C5orf34: variants seen among roughly 807,000 people sequenced by gnomAD.
The protein encoded by C5orf34 is chromosome 5 open reading frame 34.
A neutral mutation model predicts 78.4 loss-of-function variants in C5orf34; 73 were observed. That is an observed-to-expected ratio of 0.93 (90% CI 0.77 to 1.13). The LOEUF (loss-of-function observed/expected upper bound fraction) is 1.13. C5orf34 is among the 50% of genes most tolerant of loss of function. The probability of loss-of-function intolerance (pLI) is 0.00; values close to 1 mark genes in which losing one functional copy is unlikely to be tolerated. For synonymous variants in C5orf34, 251 were observed against 246.6 expected (o/e 1.02, Z -0.17); for missense variants, 730 against 732.7 (o/e 1.00, Z 0.04).
Position 43,486,884 on chromosome 5 carries a change from C to T in C5orf34, c.*31G>A. The T allele has an allele frequency of 7.4e-7, 1 of 1,352,014 alleles. No individual in the cohort carries two copies. The highest frequency in any genetic ancestry group is 1.7e-5 in the South Asian group (1 of 57,420). 83.8% of individuals were successfully genotyped at this position (1,352,014 alleles called of 1,614,324 possible). A position where few individuals can be genotyped will look rare whatever the true frequency, so the allele number is the denominator to read the frequency against. On this transcript the variant is annotated 3_prime_UTR_variant, in exon 13 of 13. Transcript: ENST00000306862. The stretch of plus-strand genomic sequence containing the variant: ...AGTCACTTGAAACAACATCCTTAAA[C>T]TTTAATAATATGTTGTAATAATTCC...
chr5:43,506,397 G>A lies in C5orf34; in HGVS notation c.286-3C>T. 1 of 1,585,532 alleles carries A rather than the reference G, an allele frequency of 6.3e-7. No individual in the cohort carries two copies. The highest frequency in any genetic ancestry group is 8.6e-7 in the Non-Finnish European group (1 of 1,166,694). ...TCTGTTATGTCAATGAAGATATGCT[G>A]CAAGGAGAGGGGAAAAGAGACGGTG... On this transcript the variant is annotated splice_polypyrimidine_tract_variant and splice_region_variant and intron_variant, in intron 3 of 12. Transcript: ENST00000306862.
At chr5:43,494,394 G>C (rs1046583447) in intron 7 of C5orf34, 116 bp downstream of exon 7, 1 of 539,108 alleles carries the variant, frequency 1.9e-6, no homozygotes, top group African/African-American at 2.0e-5. Context: ...AAATTTTACC[G>C]AAGGCATATA....
chr5:43,494,293 C>T (rs978155062), intron 7 of C5orf34, among the ~76,000 whole-genome samples: 4 of 152,240 alleles, frequency 2.6e-5, no homozygotes, highest in Admixed American at 2.6e-4. Flanking sequence ...ATGGATATTT[C>T]TCCATATTTA....
chr5:43,507,817 G>A (rs1246489645), intron 3 of C5orf34, among the ~76,000 whole-genome samples: 1 of 151,968 alleles, frequency 6.6e-6, no homozygotes, highest in African/African-American at 2.4e-5. Flanking sequence ...GGTGGCTCAC[G>A]CCTGTAATCC....
chr5:43,496,473 T>TGAGG (rs1237932073), intron 6 of C5orf34: 2 of 1,552,074 alleles, frequency 1.3e-6, no homozygotes, highest in African/African-American at 2.7e-5. Flanking sequence ...TTAGGGGTAG[T>TGAGG]TTTCACAACA....
intron 11 of C5orf34, among the ~76,000 whole-genome samples, chr5:43,490,157 A>T (rs570045974): frequency 6.6e-6 from 1 of 152,196 alleles, no homozygotes; most frequent in Non-Finnish European, 1.5e-5. Flanking sequence ...CTGCACACTG[A>T]AAAGCACACA....
chr5:43,502,981 G>T (rs1745826585), intron 5 of C5orf34, among the ~76,000 whole-genome samples: 1 of 152,290 alleles, frequency 6.6e-6, no homozygotes, highest in African/African-American at 2.4e-5. Flanking sequence ...AAGGTACTGG[G>T]TATATACCAA....
At position 43,509,186 on chromosome 5, in the gene C5orf34, T is replaced by C. The variant is rs572808537; in HGVS notation, c.154A>G (p.Arg52Gly). ...VSAHPLEQPERIRQRTHFVIS... is the reference protein window; with the variant it reads ...VSAHPLEQPEGIRQRTHFVIS... ...ACAAAATGTGTCCTTTGACGAATTC[T>C]TTCTGGTTGTTCTAAAGGATGTGCT... is the stretch of plus-strand genomic sequence containing the variant. Residue 52 changes from arginine (R) to glycine (G), a missense_variant, in exon 2 of 13, where the codon AGA becomes GGA. Coordinates refer to ENST00000306862, the MANE Select transcript of C5orf34 (RefSeq NM_198566.4). The C allele has an allele frequency of 2.5e-6, 4 of 1,613,968 alleles. No homozygotes were observed. The highest frequency in any genetic ancestry group is 2.2e-5 in the East Asian group (1 of 44,876).
In C5orf34 at chr5:43,494,592, T is replaced by C; in HGVS notation, c.1162A>G (p.Lys388Glu). The change falls in exon 7 of 13, where the codon AAA (lysine) becomes GAA (glutamate). Residue 388 changes from lysine to glutamate, a missense_variant. Physicochemically the swap from Lys to Glu is moderately conservative, Grantham distance 56. Coordinates refer to ENST00000306862, the MANE Select transcript of C5orf34 (RefSeq NM_198566.4). ...IQEGSGKREE[K>E]TYSVNNLPPD... Reference sequence around the variant, plus strand: ...GGAAGGTTATTTACTGAGTAAGTTTTCTCTTCTCTCTGAAAATTAGTTAAA... The same window carrying C: ...GGAAGGTTATTTACTGAGTAAGTTTCCTCTTCTCTCTGAAAATTAGTTAAA... 6.3e-7 allele frequency: 1 copy of C among 1,589,936 alleles called. No homozygotes were observed. The highest frequency in any genetic ancestry group is 8.6e-7 in the Non-Finnish European group (1 of 1,163,754).
chr5:43,495,127 A>T, intron 6 of C5orf34: 1 of 1,594,130 alleles, frequency 6.3e-7, no homozygotes, highest in Non-Finnish European at 8.6e-7. Flanking sequence ...CACCTCCAGC[A>T]GCCTTCTTGT....
In C5orf34 at chr5:43,486,820, A is replaced by C; in HGVS notation, c.*95T>G. The C allele has an allele frequency of 1.8e-6, 1 of 561,132 alleles. No individual in the cohort carries two copies. The allele number at this position is 561,132 out of a possible 1,614,324, so 34.8% of individuals were successfully genotyped here. A position where few individuals can be genotyped will look rare whatever the true frequency, so the allele number is the denominator to read the frequency against. On this transcript the variant is annotated 3_prime_UTR_variant, in exon 13 of 13. Coordinates refer to ENST00000306862, the MANE Select transcript of C5orf34 (RefSeq NM_198566.4). ...TCTTTCACAATCATTGTGCCGGGGTAATACGTACAATATCTTGGCTTACTA... is the reference window on the plus strand; with the variant it reads ...TCTTTCACAATCATTGTGCCGGGGTCATACGTACAATATCTTGGCTTACTA...
intron 2 of C5orf34, 129 bp from the exon 3 acceptor site, chr5:43,508,795 A>C: frequency 1.5e-6 from 1 of 684,018 alleles, no homozygotes; most frequent in South Asian, 2.0e-5. Flanking sequence ...GTATTTTGGT[A>C]TTCAAAGAGT....
At chr5:43,508,480 G>T in intron 3 of C5orf34, 97 bp downstream of exon 3, 1 of 700,122 alleles carries the variant, frequency 1.4e-6, no homozygotes, top group Non-Finnish European at 2.5e-6. Flanking sequence ...GTATCCCCAG[G>T]TGTCCTGAAA....
rs1202872740 is a variant in C5orf34 at position 43,509,490 on chromosome 5, G to A, written c.-36-115C>T. 2.0e-5 allele frequency: 12 copies of A among 586,762 alleles called. No individual in the cohort carries two copies. In the East Asian group the frequency reaches 2.4e-4, roughly 12 times the overall value. 36.3% of individuals were successfully genotyped at this position (586,762 alleles called of 1,614,324 possible). ...TGACATTGCCATTGCATTTACTTTT[G>A]TTAAGAATACTAACTACACTGGATA... On this transcript the variant is annotated intron_variant, in intron 1 of 12. Coordinates refer to ENST00000306862, the MANE Select transcript of C5orf34 (RefSeq NM_198566.4).
In C5orf34 at chr5:43,487,033, G is replaced by C. The variant is rs532874327; in HGVS notation, c.1799C>G (p.Pro600Arg). Residue 600 changes from proline (P) to arginine (R), a missense_variant, in exon 13 of 13, where the codon CCA becomes CGA. By Grantham distance (103) the Pro-to-Arg change is moderately radical. Coordinates refer to ENST00000306862, the MANE Select transcript of C5orf34 (RefSeq NM_198566.4). The part of the protein sequence containing the change: ...NEQQSFDHYK[P>R]GSSETLLGEV... ...TCCTAGCAAGGTTTCTGAAGATCCT[G>C]GTTTATAATGATCAAAAGACTGTTG... The C allele has an allele frequency of 6.3e-7, 1 of 1,585,352 alleles. No individual in the cohort carries two copies. The highest frequency in any genetic ancestry group is 1.4e-5 in the African/African-American group (1 of 73,348).
intron 6 of C5orf34, among the ~76,000 whole-genome samples, chr5:43,501,283 A>G (rs752712538): frequency 6.6e-6 from 1 of 152,118 alleles, no homozygotes; most frequent in Non-Finnish European, 1.5e-5. Context: ...ACATACACAC[A>G]TATATACGTA....
At chr5:43,512,432 C>A (rs1399519686) in intron 1 of C5orf34, among the ~76,000 whole-genome samples, 1 of 152,222 alleles carries the variant, frequency 6.6e-6, no homozygotes, top group Non-Finnish European at 1.5e-5. Flanking sequence ...TCACTGCAAT[C>A]CAGCTTTCAC....
At chr5:43,514,255 T>TA (rs1295759497) in intron 1 of C5orf34, 1 of 152,248 alleles carries the variant, frequency 6.6e-6, no homozygotes, top group Non-Finnish European at 1.5e-5. Flanking sequence ...CCATCTCTAG[T>TA]ATTGATGACA....
chr5:43,507,237 A>T (rs957642565), intron 3 of C5orf34, among the ~76,000 whole-genome samples: 1 of 152,268 alleles, frequency 6.6e-6, no homozygotes, highest in Non-Finnish European at 1.5e-5. Flanking sequence ...TATAAACAGT[A>T]GATATTGCGT....
Sources: gnomAD v4.1 joint callset for allele counts (sites outside exome capture counted in the v4.1 genomes callset) on GRCh38, gnomAD v4.1.1 for gene constraint, MANE v1.5 for transcripts, NCBI Gene and HGNC (gene_info 2026-07-23, HGNC 2026-07-21) for gene names.